NDUFB9: variants seen among roughly 807,000 people sequenced by gnomAD.
The protein encoded by NDUFB9 is NADH dehydrogenase [ubiquinone] 1 beta subcomplex subunit 9.
Under a neutral mutation model 30.2 loss-of-function variants are expected in NDUFB9, and 24 were observed. The ratio of observed to expected loss-of-function variants is 0.80; its 90% CI spans 0.58 to 1.12. NDUFB9 has a LOEUF of 1.12. NDUFB9 is among the 50% of genes most tolerant of loss of function. The probability of loss-of-function intolerance (pLI) is 0.00; values close to 1 mark genes in which losing one functional copy is unlikely to be tolerated. For synonymous variants in NDUFB9, 80 were observed against 84.0 expected, an observed-to-expected ratio of 0.95 and a Z score of 0.26; for missense variants, 204 against 226.0, an observed-to-expected ratio of 0.90 and a Z score of 0.62.
Position 124,549,968 on chromosome 8 carries a change from AG to A in NDUFB9, c.*77del. ...CATGCACTTGCCCTAATAAAAAATC[AG>A]TGAAATGGTCTCTGGTATGACTGAC... On this transcript the variant is annotated 3_prime_UTR_variant, in exon 4 of 4. Transcript: ENST00000276689. The A allele has an allele frequency of 1.2e-6, 2 of 1,607,674 alleles. No homozygotes were observed. The highest frequency in any genetic ancestry group is 2.2e-5 in the South Asian group (2 of 89,894).
intron 3 of NDUFB9, among the ~76,000 whole-genome samples, chr8:124,547,981 T>A (rs754842604): frequency 2.0e-5 from 3 of 148,990 alleles, no homozygotes; most frequent in Non-Finnish European, 3.0e-5. Context: ...CAAGACTCCA[T>A]CCCAAAAGAA....
chr8:124,549,278 GATTT>G (rs575348693), intron 3 of NDUFB9, among the ~76,000 whole-genome samples: 206 of 152,294 alleles, frequency 1.4e-3, no homozygotes, highest in African/African-American at 4.8e-3. Flanking sequence ...GTAATTTTGT[GATTT>G]ATTTTTGTTC....
chr8:124,542,016 A>G (rs1822014552), intron 1 of NDUFB9, among the ~76,000 whole-genome samples: 1 of 151,690 alleles, frequency 6.6e-6, no homozygotes, highest in Non-Finnish European at 1.5e-5. Flanking sequence ...CCCGGGTTCA[A>G]GCTATTCTCC....
chr8:124,543,357 A>C, intron 2 of NDUFB9, 78 bp downstream of exon 2: 2 of 1,475,758 alleles, frequency 1.4e-6, no homozygotes, highest in Non-Finnish European at 1.9e-6. Flanking sequence ...CTCAGAAATC[A>C]CTTGCCCTTC....
At chr8:124,545,000 A>G (rs745783978) in intron 2 of NDUFB9, among the ~76,000 whole-genome samples, 1 of 152,250 alleles carries the variant, frequency 6.6e-6, no homozygotes, top group Non-Finnish European at 1.5e-5. Context: ...TGAAGGGCTC[A>G]AGACTTCAGC....
chr8:124,544,139 C>A (rs1467448983), intron 2 of NDUFB9, among the ~76,000 whole-genome samples: 1 of 152,192 alleles, frequency 6.6e-6, no homozygotes, highest in Non-Finnish European at 1.5e-5. Flanking sequence ...GACAAAAGAT[C>A]AAACCAGCCA....
rs1822058860 is a variant in NDUFB9 at position 124,542,999 on chromosome 8, G to T, written c.102-88G>T. On this transcript the variant is annotated intron_variant, in intron 1 of 3. Coordinates refer to ENST00000276689, the MANE Select transcript of NDUFB9 (RefSeq NM_005005.3). Reference sequence around the variant, plus strand: ...GGTAGGTCCACTGCCCATCCAGAAGGTATCAGAAGTGCAGCCTCCTGTCAG... The same window carrying T: ...GGTAGGTCCACTGCCCATCCAGAAGTTATCAGAAGTGCAGCCTCCTGTCAG... 3.6e-6 allele frequency: 5 copies of T among 1,387,530 alleles called. No individual in the cohort carries two copies. In the East Asian group the frequency reaches 1.2e-4, roughly 32 times the overall value. The allele number at this position is 1,387,530 out of a possible 1,614,324, so 86.0% of individuals were successfully genotyped here.
At chr8:124,547,305 G>C in intron 3 of NDUFB9, 192 bp downstream of exon 3, 1 of 664,950 alleles carries the variant, frequency 1.5e-6, no homozygotes, top group Non-Finnish European at 2.7e-6. Flanking sequence ...TGCATTCCCT[G>C]GTCGTTTTGG....
chr8:124,546,876 G>T (rs946525612), intron 2 of NDUFB9, 124 bp from the exon 3 acceptor site: 1 of 783,576 alleles, frequency 1.3e-6, no homozygotes, highest in Non-Finnish European at 2.3e-6. Flanking sequence ...GTTAGAAACA[G>T]TCTGGTAGTT....
intron 2 of NDUFB9, 55 bp downstream of exon 2, chr8:124,543,334 C>A (rs755328715): frequency 5.2e-6 from 8 of 1,549,978 alleles, no homozygotes; most frequent in Non-Finnish European, 7.1e-6. Context: ...TTTCTTCAGT[C>A]CCACACCTCA....
At chr8:124,542,471 C>T (rs1012344024) in intron 1 of NDUFB9, among the ~76,000 whole-genome samples, 9 of 152,226 alleles carry the variant, frequency 5.9e-5, no homozygotes, top group African/African-American at 2.2e-4. Flanking sequence ...TCTCCCCTGT[C>T]TCCTGTCACC....
At chr8:124,542,351 C>T (rs1167493616) in intron 1 of NDUFB9, among the ~76,000 whole-genome samples, 2 of 152,190 alleles carry the variant, frequency 1.3e-5, no homozygotes, top group East Asian at 3.9e-4. Flanking sequence ...CGCACCTGAC[C>T]AGAAGACAGT....
intron 1 of NDUFB9, 93 bp downstream of exon 1, chr8:124,539,380 G>C (rs997137270): frequency 3.8e-5 from 44 of 1,162,368 alleles, no homozygotes; most frequent in Non-Finnish European, 5.7e-5. Context: ...CAAGGACTTC[G>C]GGAACGGAAT....
At chr8:124,548,847 G>T (rs2131615170) in intron 3 of NDUFB9, among the ~76,000 whole-genome samples, 1 of 152,312 alleles carries the variant, frequency 6.6e-6, no homozygotes, top group Admixed American at 6.5e-5. Flanking sequence ...AAATGAGTGG[G>T]AAAGGGAGAG....
At chr8:124,539,321 A>G in intron 1 of NDUFB9, 34 bp downstream of exon 1, 1 of 1,608,644 alleles carries the variant, frequency 6.2e-7, no homozygotes, top group Non-Finnish European at 8.5e-7. Flanking sequence ...CGGGGAGGTG[A>G]CCCTCGGGGC....
rs921326148 is a variant in NDUFB9, at chr8:124,539,139, C to T, written c.-48C>T. ...GCCCCGCTCAGTCACCCGCAGCAGGCGTGCAGTTTCCCGGCTCTCCGCGCG... is the reference window on the plus strand; with the variant it reads ...GCCCCGCTCAGTCACCCGCAGCAGGTGTGCAGTTTCCCGGCTCTCCGCGCG... On this transcript the variant is annotated 5_prime_UTR_variant, in exon 1 of 4. Transcript: ENST00000276689. The T allele has an allele frequency of 1.9e-6, 3 of 1,612,932 alleles. No individual in the cohort carries two copies. Among genetic ancestry groups the T allele is most frequent in the African/African-American group, 2.7e-5 (2 of 74,938 alleles).
intron 3 of NDUFB9, among the ~76,000 whole-genome samples, chr8:124,549,552 A>G (rs1822280476): frequency 6.6e-6 from 1 of 152,258 alleles, no homozygotes; most frequent in Non-Finnish European, 1.5e-5. Context: ...ATTTAAAAGA[A>G]TGGGAAAACC....
Position 124,548,620 on chromosome 8 carries a change from A to G in NDUFB9, c.409-1141A>G, listed in dbSNP as rs914149468. On this transcript the variant is annotated intron_variant, in intron 3 of 3. Transcript: ENST00000276689. ...TTTCTCTTTAGCAATACTAAGCTGT[A>G]TGAGCACAGGCCTGAGGGTATATGG... Among the ~76,000 whole-genome samples, 5 of 152,198 alleles carry G rather than the reference A, an allele frequency of 3.3e-5. No homozygotes were observed. In the East Asian group the frequency reaches 5.8e-4, roughly 18 times the overall value.
At chr8:124,540,753 G>A (rs1821934068) in intron 1 of NDUFB9, among the ~76,000 whole-genome samples, 1 of 151,932 alleles carries the variant, frequency 6.6e-6, no homozygotes, top group South Asian at 2.1e-4. Flanking sequence ...CCCTCATTGT[G>A]CTGTTCTCTG....
Sources: allele counts gnomAD v4.1 joint callset (sites outside exome capture counted in the v4.1 genomes callset), GRCh38; gene constraint gnomAD v4.1.1; transcripts MANE v1.5; gene names NCBI Gene and HGNC (gene_info 2026-07-23, HGNC 2026-07-21).